JARID2: variants seen among roughly 807,000 people sequenced by gnomAD.
JARID2 encodes protein Jumonji.
A neutral mutation model predicts 125.6 loss-of-function variants in JARID2; 21 were observed. That is an observed-to-expected ratio of 0.17 (90% CI 0.12 to 0.24). The LOEUF is 0.24. Ranked by LOEUF, JARID2 falls within the 10% of genes least tolerant of loss-of-function variation. The pLI is 1.00. For missense variants in JARID2, 1,303 were observed against 1,639.6 expected (o/e 0.79, Z 3.55); for synonymous variants, 736 against 661.6 (o/e 1.11, Z -1.73).
chr6:15,406,866 CT>C (rs1208197360), intron 2 of JARID2, among the ~76,000 whole-genome samples: 1 of 152,046 alleles, frequency 6.6e-6, no homozygotes, highest in African/African-American at 2.4e-5. Context: ...TTTTTCCAAC[CT>C]GTTAACTTTT....
At chr6:15,358,632 T>A (rs1001902976) in intron 1 of JARID2, among the ~76,000 whole-genome samples, 2 of 152,260 alleles carry the variant, frequency 1.3e-5, no homozygotes, top group African/African-American at 2.4e-5. Flanking sequence ...TTTTTGCTTT[T>A]TCTGAGAATA....
rs527344608 is a variant in JARID2 at position 15,286,778 on chromosome 6, C to T, written c.45+40194C>T. 2.3e-4 allele frequency among the ~76,000 whole-genome samples: 32 copies of T among 142,178 alleles called. No individual in the cohort carries two copies. In the East Asian group the frequency reaches 4.3e-3, roughly 19 times the overall value. The allele number at this position is 142,178 out of a possible 152,430, so 93.3% of individuals were successfully genotyped here. ...TTGGGAGGCTGAGGCAGGAGAATGG[C>T]GTGAACCCGGGAGGCAGAGCTTGCA... is the stretch of plus-strand genomic sequence containing the variant. On this transcript the variant is annotated intron_variant, in intron 1 of 17. Coordinates refer to ENST00000341776, the MANE Select transcript of JARID2 (RefSeq NM_004973.4).
At chr6:15,406,075 C>T (rs1327130889) in intron 2 of JARID2, among the ~76,000 whole-genome samples, 2 of 152,190 alleles carry the variant, frequency 1.3e-5, no homozygotes, top group South Asian at 2.1e-4. Context: ...AATGGAAGTA[C>T]TCACATTGAA....
intron 7 of JARID2, among the ~76,000 whole-genome samples, chr6:15,499,520 C>T (rs959514635): frequency 1.3e-5 from 2 of 152,142 alleles, no homozygotes; most frequent in African/African-American, 4.8e-5. Flanking sequence ...CTGAGTCACT[C>T]GGACGGTGGA....
chr6:15,412,720 C>A (rs1765933895), intron 3 of JARID2, among the ~76,000 whole-genome samples: 1 of 152,080 alleles, frequency 6.6e-6, no homozygotes, highest in Non-Finnish European at 1.5e-5. Context: ...GGGTATGAAC[C>A]CTGCCTTCAA....
intron 6 of JARID2, among the ~76,000 whole-genome samples, chr6:15,492,454 G>C (rs1013647297): frequency 1.3e-5 from 2 of 152,322 alleles, no homozygotes; most frequent in South Asian, 4.1e-4. Flanking sequence ...GAGGTGGGTT[G>C]AGGGAGACCT....
At chr6:15,414,452 C>A (rs551459534) in intron 3 of JARID2, among the ~76,000 whole-genome samples, 3 of 152,304 alleles carry the variant, frequency 2.0e-5, no homozygotes, top group Non-Finnish European at 2.9e-5. Flanking sequence ...GTCCAGAGTT[C>A]TTGAGGGTTT....
chr6:15,358,864 A>T (rs1561812301), intron 1 of JARID2, among the ~76,000 whole-genome samples: 1 of 152,174 alleles, frequency 6.6e-6, no homozygotes, highest in East Asian at 1.9e-4. Context: ...AGATGGCGGG[A>T]CTGAATTCTA....
intron 1 of JARID2, among the ~76,000 whole-genome samples, chr6:15,266,013 GT>G (rs1232555566): frequency 6.6e-6 from 1 of 152,176 alleles, no homozygotes; most frequent in Non-Finnish European, 1.5e-5. Flanking sequence ...AGGTCCCAAA[GT>G]GCTCTCTCAT....
chr6:15,250,622 A>T (rs1203080684), intron 1 of JARID2, among the ~76,000 whole-genome samples: 1 of 152,210 alleles, frequency 6.6e-6, no homozygotes, highest in African/African-American at 2.4e-5. Context: ...AAGTAATCCA[A>T]CTTGGTTTAT....
chr6:15,309,597 T>G (rs1761946743), intron 1 of JARID2, among the ~76,000 whole-genome samples: 1 of 151,424 alleles, frequency 6.6e-6, no homozygotes, highest in Non-Finnish European at 1.5e-5. Flanking sequence ...ACAGTTTAAT[T>G]TTTTTGTCTT....
intron 3 of JARID2, among the ~76,000 whole-genome samples, chr6:15,444,874 AATG>A (rs1324632650): frequency 6.6e-6 from 1 of 151,512 alleles, no homozygotes; most frequent in Non-Finnish European, 1.5e-5. Flanking sequence ...GAGTTAATAA[AATG>A]ATGTTTTGGC....
Position 15,517,276 on chromosome 6 carries a change from C to T in JARID2, c.3558+8C>T, listed in dbSNP as rs1003043895. On this transcript the variant is annotated splice_region_variant and intron_variant, in intron 17 of 17. Transcript: ENST00000341776. ...ATGTACCGCTACGATGAGGTCAGTC[C>T]CTGCCCGCGGGGTAGGGCAGGGCGG... 1.2e-6 allele frequency: 2 copies of T among 1,602,018 alleles called. No individual in the cohort carries two copies. Among genetic ancestry groups the T allele is most frequent in the Admixed American group, 3.3e-5 (2 of 60,018 alleles).
intron 1 of JARID2, among the ~76,000 whole-genome samples, chr6:15,250,113 A>G (rs1273229568): frequency 6.6e-6 from 1 of 152,190 alleles, no homozygotes; most frequent in Non-Finnish European, 1.5e-5. Flanking sequence ...ACAAATTGCC[A>G]GTTTGATTTT....
intron 1 of JARID2, among the ~76,000 whole-genome samples, chr6:15,265,776 A>G (rs1269496409): frequency 3.9e-5 from 6 of 152,118 alleles, no homozygotes. Context: ...TGGACTGGGC[A>G]AGCAGGAATC....
At chr6:15,253,182 G>C (rs1759523271) in intron 1 of JARID2, among the ~76,000 whole-genome samples, 1 of 151,976 alleles carries the variant, frequency 6.6e-6, no homozygotes, top group African/African-American at 2.4e-5. Context: ...TCCCGCCTCA[G>C]CCTCCCGAGT....
intron 1 of JARID2, among the ~76,000 whole-genome samples, chr6:15,308,349 A>G (rs1329376140): frequency 3.3e-5 from 5 of 152,202 alleles, no homozygotes; most frequent in Non-Finnish European, 7.3e-5. Flanking sequence ...TTCAAAGGCC[A>G]TCTGGATCTG....
intron 3 of JARID2, among the ~76,000 whole-genome samples, chr6:15,414,521 A>G (rs570960355): frequency 5.6e-4 from 63 of 112,384 alleles, no homozygotes; most frequent in Middle Eastern, 4.3e-3. Context: ...GGAGGCAACT[A>G]CAACAACAAC....
intron 2 of JARID2, among the ~76,000 whole-genome samples, chr6:15,400,573 T>C (rs954757887): frequency 3.3e-5 from 5 of 152,022 alleles, no homozygotes; most frequent in Non-Finnish European, 7.4e-5. Context: ...TCCCCCCATA[T>C]GTCAGAAATT....
Sources: allele counts gnomAD v4.1 joint callset (sites outside exome capture counted in the v4.1 genomes callset), GRCh38; gene constraint gnomAD v4.1.1; transcripts MANE v1.5; gene names NCBI Gene and HGNC (gene_info 2026-07-23, HGNC 2026-07-21).